The following FAM184A variants were observed in gnomAD, a reference collection of about 807,000 sequenced individuals.
FAM184A encodes the protein family with sequence similarity 184 member A, also known as protein FAM184A.
In FAM184A, 99 loss-of-function variants were observed where a neutral mutation model predicts 143.8. The observed-to-expected ratio is 0.69, with a 90% CI of 0.58 to 0.81. The LOEUF is 0.81. Among genes scored for constraint, FAM184A ranks in the 40% least tolerant of loss-of-function variants. The pLI is 0.00. For missense variants in FAM184A, 1,217 were observed against 1,310.5 expected (o/e 0.93, Z 1.10); for synonymous variants, 427 against 446.4 (o/e 0.96, Z 0.55).
At chr6:119,061,004 G>T (rs1479576128) in intron 1 of FAM184A, among the ~76,000 whole-genome samples, 1 of 152,196 alleles carries the variant, frequency 6.6e-6, no homozygotes. Flanking sequence ...CTTCCATGTG[G>T]CTGGAAGTTC....
At chr6:119,102,433 A>G (rs1788661549) in intron 1 of FAM184A, among the ~76,000 whole-genome samples, 1 of 152,148 alleles carries the variant, frequency 6.6e-6, no homozygotes, top group South Asian at 2.1e-4. Context: ...CATAGTAAAT[A>G]AGCTTCAGTA....
chr6:118,961,237 A>T (rs1321058067), intron 17 of FAM184A, among the ~76,000 whole-genome samples: 4 of 151,752 alleles, frequency 2.6e-5, no homozygotes, highest in Non-Finnish European at 4.4e-5. Flanking sequence ...GGAAATTTTT[A>T]AAATTATTTA....
intron 1 of FAM184A, among the ~76,000 whole-genome samples, chr6:119,045,092 T>C (rs1052529043): frequency 6.6e-6 from 1 of 152,172 alleles, no homozygotes; most frequent in African/African-American, 2.4e-5. Context: ...CCTTCATCCA[T>C]TCAAGGATTG....
chr6:119,064,145 C>T (rs764060734), intron 1 of FAM184A, among the ~76,000 whole-genome samples: 5 of 152,152 alleles, frequency 3.3e-5, no homozygotes, highest in Non-Finnish European at 7.4e-5. Context: ...ACCAATTGTC[C>T]TCTCAATCCC....
At chr6:119,031,199 C>T (rs534890415) in intron 1 of FAM184A, among the ~76,000 whole-genome samples, 2 of 152,102 alleles carry the variant, frequency 1.3e-5, no homozygotes, top group South Asian at 2.1e-4. Flanking sequence ...TGAAATAGTC[C>T]TCATTTATGC....
At chr6:119,065,258 A>G (rs1787403081) in intron 1 of FAM184A, among the ~76,000 whole-genome samples, 1 of 152,116 alleles carries the variant, frequency 6.6e-6, no homozygotes, top group South Asian at 2.1e-4. Flanking sequence ...ATCACTTACT[A>G]TAAGAAGACC....
At chr6:118,971,317 A>T (rs910601431) in intron 14 of FAM184A, among the ~76,000 whole-genome samples, 1 of 152,228 alleles carries the variant, frequency 6.6e-6, no homozygotes, top group Non-Finnish European at 1.5e-5. Context: ...TTAGTAATTC[A>T]GGTGTGGCGG....
rs142451656 is a variant in FAM184A, at chr6:119,037,320, G to T, written c.160-12507C>A. ...GATAGCAGTTGTGAGGGGTTTTTTT[G>T]TTGTTGTTGTTTGTTTTTAAGTTTT... is the stretch of plus-strand genomic sequence containing the variant. On this transcript the variant is annotated intron_variant, in intron 1 of 17. Transcript: ENST00000338891. Among the ~76,000 whole-genome samples the T allele has an allele frequency of 7.7e-3, 1,175 of 152,188 alleles. 8 individuals carry two copies. The highest frequency in any genetic ancestry group is 0.027 in the African/African-American group (1,105 of 41,530).
At chr6:119,060,807 T>G (rs928436705) in intron 1 of FAM184A, among the ~76,000 whole-genome samples, 4 of 152,188 alleles carry the variant, frequency 2.6e-5, no homozygotes, top group Non-Finnish European at 5.9e-5. Flanking sequence ...CTCCTGGCCA[T>G]GTGAAGCTCC....
intron 1 of FAM184A, among the ~76,000 whole-genome samples, chr6:119,066,409 C>T (rs1280332984): frequency 6.6e-6 from 1 of 152,136 alleles, no homozygotes; most frequent in African/African-American, 2.4e-5. Context: ...GGATAATCTC[C>T]CCATCTCAAG....
chr6:119,107,777 CAAAAAAAA>C (rs71556825), intron 1 of FAM184A, among the ~76,000 whole-genome samples: 9 of 100,838 alleles, frequency 8.9e-5, no homozygotes, highest in Non-Finnish European at 9.7e-5. Context: ...GACTTTGTCT[CAAAAAAAA>C]AAAAAAAAAA....
At chr6:119,117,130 C>T (rs1789081997) in intron 1 of FAM184A, among the ~76,000 whole-genome samples, 1 of 152,152 alleles carries the variant, frequency 6.6e-6, no homozygotes, top group Non-Finnish European at 1.5e-5. Context: ...GCTAGGAGGA[C>T]ATTAACCAAG....
intron 1 of FAM184A, among the ~76,000 whole-genome samples, chr6:119,036,959 C>G (rs1044039195): frequency 6.6e-6 from 1 of 152,046 alleles, no homozygotes; most frequent in African/African-American, 2.4e-5. Flanking sequence ...TCAAGAACTA[C>G]GAGGAAAGCA....
At chr6:119,050,812 A>C (rs999173837) in intron 1 of FAM184A, among the ~76,000 whole-genome samples, 6 of 126,098 alleles carry the variant, frequency 4.8e-5, no homozygotes, top group African/African-American at 1.8e-4. Context: ...ACTCCGTCTC[A>C]AAAAAAAAAA....
At chr6:119,085,374 C>T (rs908612284) in intron 1 of FAM184A, among the ~76,000 whole-genome samples, 1 of 152,176 alleles carries the variant, frequency 6.6e-6, no homozygotes, top group Admixed American at 6.5e-5. Context: ...GGCAGGGGCA[C>T]AATCCAACCA....
intron 6 of FAM184A, among the ~76,000 whole-genome samples, chr6:119,007,645 G>A (rs2114650659): frequency 1.3e-5 from 2 of 152,202 alleles, no homozygotes; most frequent in South Asian, 4.1e-4. Context: ...AAATTATAAA[G>A]AATAGTATTC....
intron 1 of FAM184A, among the ~76,000 whole-genome samples, chr6:119,051,803 T>C (rs1033053913): frequency 6.6e-5 from 10 of 152,198 alleles, no homozygotes; most frequent in Non-Finnish European, 1.3e-4. Context: ...ATACAGGTTT[T>C]TGAATAAGAA....
At chr6:119,064,924 TCTA>T (rs1787387897) in intron 1 of FAM184A, among the ~76,000 whole-genome samples, 1 of 152,222 alleles carries the variant, frequency 6.6e-6, no homozygotes, top group South Asian at 2.1e-4. Context: ...CAATTTTATT[TCTA>T]CTATTGATCT....
chr6:119,075,540 C>T (rs527405897), intron 1 of FAM184A, among the ~76,000 whole-genome samples: 29 of 152,218 alleles, frequency 1.9e-4, no homozygotes, highest in African/African-American at 6.0e-4. Context: ...GTGTCAGGTT[C>T]CCACACTGCT....
Sources: allele counts gnomAD v4.1 joint callset (sites outside exome capture counted in the v4.1 genomes callset), GRCh38; gene constraint gnomAD v4.1.1; transcripts MANE v1.5; gene names NCBI Gene and HGNC (gene_info 2026-07-23, HGNC 2026-07-21).